The following LMO2 variants were observed in gnomAD, a reference collection of about 807,000 sequenced individuals.
LMO2 encodes rhombotin-2.
LMO2 carries 20 observed loss-of-function variants against 23.2 expected under a neutral mutation model. The observed-to-expected ratio is 0.86, with a 90% CI of 0.61 to 1.25. LMO2 has a LOEUF of 1.25. Among genes scored for constraint, LMO2 ranks in the 50% most tolerant of loss-of-function variants. The probability of loss-of-function intolerance (pLI) is 0.00; values close to 1 mark genes in which losing one functional copy is unlikely to be tolerated. For missense variants in LMO2, 270 were observed against 315.3 expected (o/e 0.86, Z 1.09); for synonymous variants, 123 against 130.2 (o/e 0.94, Z 0.38).
chr11:33,878,819 C>T (rs1220670165), intron 2 of LMO2, among the ~76,000 whole-genome samples: 1 of 152,208 alleles, frequency 6.6e-6, no homozygotes, highest in Non-Finnish European at 1.5e-5. Flanking sequence ...CACGTGTGTG[C>T]CTGCAACATC....
intron 2 of LMO2, chr11:33,871,190 A>G (rs1310855611): frequency 3.8e-6 from 1 of 262,734 alleles, no homozygotes; most frequent in Non-Finnish European, 5.8e-6. Context: ...CCTAATGGGT[A>G]TAATCAAAAG....
intron 5 of LMO2, among the ~76,000 whole-genome samples, chr11:33,862,725 C>T (rs1028305543): frequency 6.6e-6 from 1 of 152,152 alleles, no homozygotes; most frequent in African/African-American, 2.4e-5. Context: ...GCTAAAGGAC[C>T]ATCCCTGACG....
At position 33,871,023 on chromosome 11, in the gene LMO2, C is replaced by T. The variant is rs150100550; in HGVS notation, c.-271-1036G>A. On this transcript the variant is annotated intron_variant, in intron 2 of 5. Coordinates refer to ENST00000257818, the MANE Select transcript of LMO2 (RefSeq NM_005574.4). The stretch of plus-strand genomic sequence containing the variant: ...TTGTGCGTGATGCCAGTCATTAAGG[C>T]TTGTAAAGAGGGAACGTACTTTCAG... 6.2e-4 allele frequency: 606 copies of T among 975,662 alleles called. 2 individuals are homozygous for T. The African/African-American group carries it at 9.9e-3, about 16-fold the overall frequency. The allele number at this position is 975,662 out of a possible 1,614,324, so 60.4% of individuals were successfully genotyped here.
chr11:33,870,521 G>A, intron 2 of LMO2: 2 of 985,518 alleles, frequency 2.0e-6, no homozygotes, highest in South Asian at 4.7e-5. Flanking sequence ...GCCGCGCTCT[G>A]CAGAGGCGAT....
At chr11:33,875,578 C>CCAAA (rs1857119215) in intron 2 of LMO2, among the ~76,000 whole-genome samples, 1 of 115,166 alleles carries the variant, frequency 8.7e-6, no homozygotes, top group African/African-American at 3.4e-5. Context: ...AACTCCTTCT[C>CCAAA]AAAAAAAAAA....
At chr11:33,866,081 C>A (rs535732779) in intron 4 of LMO2, among the ~76,000 whole-genome samples, 1 of 152,318 alleles carries the variant, frequency 6.6e-6, no homozygotes, top group South Asian at 2.1e-4. Context: ...TACTAACTTA[C>A]CAGGCGACCT....
At position 33,869,532 on chromosome 11, in the gene LMO2, C is replaced by T; in HGVS notation, c.62G>A (p.Arg21Gln). The T allele has an allele frequency of 2.4e-6, 3 of 1,259,274 alleles. No individual in the cohort carries two copies. The highest frequency in any genetic ancestry group is 4.0e-5 in the Admixed American group (1 of 25,094). The allele number at this position is 1,259,274 out of a possible 1,614,324, so 78.0% of individuals were successfully genotyped here. ...RGGASSPAER[R>Q]SKRRRRSGGD... ...GCCGCTCCTGCGCCTCCGCTTGCTCCGGCGCTCCGCCGGCGAGCTCGCCCC... is the reference window on the plus strand; with the variant it reads ...GCCGCTCCTGCGCCTCCGCTTGCTCTGGCGCTCCGCCGGCGAGCTCGCCCC... Residue 21 changes from arginine to glutamine, a missense_variant, in exon 4 of 6, where the codon CGG (arginine) becomes CAG (glutamine). Coordinates refer to ENST00000257818, the MANE Select transcript of LMO2 (RefSeq NM_005574.4).
At chr11:33,885,882 T>C (rs1250866129) in intron 1 of LMO2, among the ~76,000 whole-genome samples, 1 of 65,584 alleles carries the variant, frequency 1.5e-5, no homozygotes, top group Non-Finnish European at 5.2e-5. Flanking sequence ...TGGTACACCT[T>C]TTTTTTTTTT....
rs974372235 is a variant in LMO2, at chr11:33,864,531, C to T, written c.464+71G>A. The T allele has an allele frequency of 1.2e-5, 16 of 1,308,868 alleles. No individual in the cohort carries two copies. In the African/African-American group the frequency reaches 1.9e-4, roughly 15 times the overall value. The allele number at this position is 1,308,868 out of a possible 1,614,324, so 81.1% of individuals were successfully genotyped here. ...CTGGAGCAGGGTAAGGGGCAACACA[C>T]ACCGACTGCAGATGTCCATGGACCA... On this transcript the variant is annotated intron_variant, in intron 5 of 5. Transcript: ENST00000257818. The surrounding 1 kb of genome is among the most constrained non-coding windows in gnomAD (Gnocchi z 4.8).
rs150366128 is a variant in LMO2 at position 33,882,633 on chromosome 11, C to T, written c.-335-746G>A. 4.4e-3 allele frequency among the ~76,000 whole-genome samples: 674 copies of T among 152,318 alleles called. 2 individuals carry two copies. Among genetic ancestry groups the T allele is most frequent in the African/African-American group, 0.015 (631 of 41,568 alleles). ...CTTGAGTGATTCAAACAAAAGATTACGGTTATAAATAGATAGACCTAATTG... is the reference window on the plus strand; with the variant it reads ...CTTGAGTGATTCAAACAAAAGATTATGGTTATAAATAGATAGACCTAATTG... On this transcript the variant is annotated intron_variant, in intron 1 of 5. Transcript: ENST00000257818.
At chr11:33,872,870 C>T (rs756307703) in intron 2 of LMO2, among the ~76,000 whole-genome samples, 1 of 152,036 alleles carries the variant, frequency 6.6e-6, no homozygotes, top group Non-Finnish European at 1.5e-5. Context: ...AAGCGATTTT[C>T]CCTGCCTCAG....
At chr11:33,890,243 T>C (rs1857512809) in intron 1 of LMO2, among the ~76,000 whole-genome samples, 1 of 152,210 alleles carries the variant, frequency 6.6e-6, no homozygotes, top group Non-Finnish European at 1.5e-5. Flanking sequence ...TAGATACCAA[T>C]AGATATCAAT....
chr11:33,890,711 T>C (rs959510067), intron 1 of LMO2, among the ~76,000 whole-genome samples: 2 of 152,172 alleles, frequency 1.3e-5, no homozygotes, highest in Admixed American at 6.5e-5. Context: ...ATTATTATTA[T>C]TACTCTTAAC....
chr11:33,859,532 T>C lies in LMO2; in HGVS notation c.508A>G (p.Ile170Val). 1 of 1,614,084 alleles carries C rather than the reference T, an allele frequency of 6.2e-7. No individual in the cohort carries two copies. The highest frequency in any genetic ancestry group is 2.2e-5 in the East Asian group (1 of 44,864). ...CGCATTGTCATCTCATAGGCACGAA[T>C]CCGCTTGTCACAGGATGCGCAGAGA... ...DGLCASCDKR[I>V]RAYEMTMRVK... The change falls in exon 6 of 6, where the codon ATT (isoleucine) becomes GTT (valine). Residue 170 changes from isoleucine (I) to valine (V), a missense_variant. Physicochemically the swap from Ile to Val is conservative, Grantham distance 29. This residue lies in a region of LMO2 where 100 missense variants were observed against 153.3 expected (regional missense o/e 0.65). Transcript: ENST00000257818.
chr11:33,869,813 A>C lies in LMO2; in HGVS notation c.-97T>G. 5.5e-6 allele frequency: 6 copies of C among 1,093,768 alleles called. No homozygotes were observed. Among genetic ancestry groups the C allele is most frequent in the Non-Finnish European group, 6.7e-6 (6 of 901,796 alleles). 67.8% of individuals were successfully genotyped at this position (1,093,768 alleles called of 1,614,324 possible). ...GGTGTGCGCCCGCCCGGCCGCCCGGAGCCCCTCGCACCTTCGGCCCGGGTC... is the reference window on the plus strand; with the variant it reads ...GGTGTGCGCCCGCCCGGCCGCCCGGCGCCCCTCGCACCTTCGGCCCGGGTC... On this transcript the variant is annotated 5_prime_UTR_variant, in exon 3 of 6. Coordinates refer to ENST00000257818, the MANE Select transcript of LMO2 (RefSeq NM_005574.4).
Position 33,859,036 on chromosome 11 carries a change from G to T in LMO2, c.*320C>A. On this transcript the variant is annotated 3_prime_UTR_variant, in exon 6 of 6. Transcript: ENST00000257818. Reference sequence around the variant, plus strand: ...TGTACACAACAACTCTCTATCTGTAGATATGAAATTCCATCATGATAGCAC... The same window carrying T: ...TGTACACAACAACTCTCTATCTGTATATATGAAATTCCATCATGATAGCAC... The T allele has an allele frequency of 2.7e-6, 1 of 377,270 alleles. No individual in the cohort carries two copies. Among genetic ancestry groups the T allele is most frequent in the Middle Eastern group, 7.5e-4 (1 of 1,326 alleles). 23.4% of individuals were successfully genotyped at this position (377,270 alleles called of 1,614,324 possible). A position where few individuals can be genotyped will look rare whatever the true frequency, so the allele number is the denominator to read the frequency against.
At position 33,869,808 on chromosome 11, in the gene LMO2, C is replaced by T; in HGVS notation, c.-92G>A. 1 of 1,107,498 alleles carries T rather than the reference C, an allele frequency of 9.0e-7. No individual in the cohort carries two copies. The highest frequency in any genetic ancestry group is 1.1e-6 in the Non-Finnish European group (1 of 909,952). The allele number at this position is 1,107,498 out of a possible 1,614,324, so 68.6% of individuals were successfully genotyped here. On this transcript the variant is annotated 5_prime_UTR_variant, in exon 3 of 6. Transcript: ENST00000257818. ...GGGATGGTGTGCGCCCGCCCGGCCG[C>T]CCGGAGCCCCTCGCACCTTCGGCCC...
intron 2 of LMO2, among the ~76,000 whole-genome samples, chr11:33,879,689 CA>C (rs1367304267): frequency 1.3e-5 from 2 of 151,956 alleles, no homozygotes; most frequent in African/African-American, 4.8e-5. Flanking sequence ...TCAAAATGGG[CA>C]AAGAACTTGA....
intron 4 of LMO2, among the ~76,000 whole-genome samples, chr11:33,868,005 A>C (rs1350203219): frequency 6.6e-6 from 1 of 152,216 alleles, no homozygotes; most frequent in East Asian, 1.9e-4. Flanking sequence ...TGTTTGCATA[A>C]ACATACTTTT....
Sources: allele counts gnomAD v4.1 joint callset (sites outside exome capture counted in the v4.1 genomes callset), GRCh38; gene constraint gnomAD v4.1.1; regional missense constraint gnomAD v4.1.1; non-coding constraint Gnocchi (gnomAD v3.1); transcripts MANE v1.5; gene names NCBI Gene and HGNC (gene_info 2026-07-23, HGNC 2026-07-21).